Variants in ENOX1 observed in about 807,000 individuals in gnomAD.
ENOX1 encodes the protein ecto-NOX disulfide-thiol exchanger 1.
In ENOX1, 42 loss-of-function variants were observed where a neutral mutation model predicts 82.5. The observed-to-expected ratio is 0.51, with a 90% confidence interval of 0.40 to 0.66. The LOEUF is 0.66. Among genes scored for constraint, ENOX1 ranks in the 30% least tolerant of loss-of-function variants. The pLI is 0.00. For synonymous variants in ENOX1, 271 were observed against 282.2 expected, an observed-to-expected ratio of 0.96 and a Z score of 0.40; for missense variants, 608 against 811.6, an observed-to-expected ratio of 0.75 and a Z score of 3.05.
chr13:43,494,208 C>T (rs1566373882), intron 2 of ENOX1, among the ~76,000 whole-genome samples: 1 of 151,982 alleles, frequency 6.6e-6, no homozygotes, highest in East Asian at 1.9e-4. Context: ...ACACTGACAC[C>T]CAATCAACCA....
chr13:43,730,524 C>T (rs2089279809), intron 1 of ENOX1, among the ~76,000 whole-genome samples: 1 of 152,180 alleles, frequency 6.6e-6, no homozygotes, highest in South Asian at 2.1e-4. Context: ...AATAAGTCTC[C>T]TACCTGGTCT....
intron 12 of ENOX1, among the ~76,000 whole-genome samples, chr13:43,274,600 T>G (rs536090779): frequency 2.6e-4 from 39 of 152,356 alleles, no homozygotes; most frequent in African/African-American, 9.1e-4. Context: ...AGCTAGAACT[T>G]AATCAGAAGA....
rs181050442 is a variant in ENOX1 at position 43,694,126 on chromosome 13, C to G, written c.-284-26582G>C. Among the ~76,000 whole-genome samples, 144 of 151,626 alleles carry G rather than the reference C, an allele frequency of 9.5e-4. 2 individuals carry two copies. The highest frequency in any genetic ancestry group is 1.8e-4 in the Non-Finnish European group (12 of 67,944). On this transcript the variant is annotated intron_variant, in intron 1 of 16. Coordinates refer to ENST00000690772, the MANE Select transcript of ENOX1 (RefSeq NM_001347969.2). ...AATTGAGAAATAGAGCTGTTAATGT[C>G]AAGAAACATTTGAAAAATGCACCAA...
chr13:43,571,252 C>G (rs796731313), intron 2 of ENOX1, among the ~76,000 whole-genome samples: 59 of 152,248 alleles, frequency 3.9e-4, no homozygotes, highest in African/African-American at 1.4e-3. Flanking sequence ...AGATGTAAGT[C>G]ACATTCTCCA....
intron 2 of ENOX1, among the ~76,000 whole-genome samples, chr13:43,596,823 A>G (rs1297048881): frequency 6.6e-6 from 1 of 152,236 alleles, no homozygotes; most frequent in Non-Finnish European, 1.5e-5. Context: ...CATTCACACA[A>G]CCATGTATTA....
intron 5 of ENOX1, among the ~76,000 whole-genome samples, chr13:43,411,632 A>G (rs541918182): frequency 7.9e-5 from 12 of 152,380 alleles, no homozygotes; most frequent in Middle Eastern, 3.4e-3. Flanking sequence ...GCAAATTGGA[A>G]AGCAAATATT....
intron 5 of ENOX1, among the ~76,000 whole-genome samples, chr13:43,370,220 A>G (rs1306458204): frequency 6.6e-6 from 1 of 152,096 alleles, no homozygotes; most frequent in African/African-American, 2.4e-5. Flanking sequence ...ACAAAAAATT[A>G]GCTGGGAGTG....
chr13:43,709,784 T>C (rs942049983), intron 1 of ENOX1, among the ~76,000 whole-genome samples: 33 of 152,270 alleles, frequency 2.2e-4, no homozygotes, highest in Middle Eastern at 3.4e-3. Context: ...CAAATCTTCT[T>C]GAAAATATTA....
chr13:43,663,668 T>C (rs1049176747), intron 2 of ENOX1, among the ~76,000 whole-genome samples: 4 of 152,104 alleles, frequency 2.6e-5, no homozygotes, highest in Non-Finnish European at 5.9e-5. Context: ...CAAAGGGTAC[T>C]ACATGAATGA....
At chr13:43,696,072 C>T (rs1267902789) in intron 1 of ENOX1, among the ~76,000 whole-genome samples, 1 of 152,174 alleles carries the variant, frequency 6.6e-6, no homozygotes, top group East Asian at 1.9e-4. Flanking sequence ...GCTTCTTTCA[C>T]TCAGCATAAT....
At chr13:43,645,422 G>A (rs2083850773) in intron 2 of ENOX1, among the ~76,000 whole-genome samples, 1 of 152,144 alleles carries the variant, frequency 6.6e-6, no homozygotes, top group South Asian at 2.1e-4. Flanking sequence ...GCCTACCAAA[G>A]TGCTGGGATT....
chr13:43,325,688 T>C (rs1222131838), intron 10 of ENOX1, among the ~76,000 whole-genome samples: 1 of 152,112 alleles, frequency 6.6e-6, no homozygotes, highest in African/African-American at 2.4e-5. Flanking sequence ...TGAAAAACAT[T>C]CTTTCATTAA....
At chr13:43,576,864 C>T (rs1051210426) in intron 2 of ENOX1, among the ~76,000 whole-genome samples, 1 of 152,180 alleles carries the variant, frequency 6.6e-6, no homozygotes, top group Non-Finnish European at 1.5e-5. Flanking sequence ...ATGTTCTGCA[C>T]CCAGCATGCT....
At chr13:43,379,811 C>T (rs750458451) in intron 5 of ENOX1, among the ~76,000 whole-genome samples, 8 of 151,394 alleles carry the variant, frequency 5.3e-5, no homozygotes, top group Non-Finnish European at 1.0e-4. Flanking sequence ...CTAAGAAACT[C>T]GAGAATAGAA....
chr13:43,628,547 C>A (rs1701301322), intron 2 of ENOX1, among the ~76,000 whole-genome samples: 1 of 152,176 alleles, frequency 6.6e-6, no homozygotes. Flanking sequence ...TTAAGCATTT[C>A]TACCATAGCT....
At position 43,765,830 on chromosome 13, in the gene ENOX1, T is replaced by C. The variant is rs556435775; in HGVS notation, c.-285+20822A>G. Among the ~76,000 whole-genome samples, 30 of 152,326 alleles carry C rather than the reference T, an allele frequency of 2.0e-4. 1 individual carries two copies. The South Asian group carries it at 3.7e-3, about 19-fold the overall frequency. The stretch of plus-strand genomic sequence containing the variant: ...CAATGATGCTTTTCACATCGTTAGG[T>C]AATGATTATAATAAAGATAGTAATG... On this transcript the variant is annotated intron_variant, in intron 1 of 16. Transcript: ENST00000690772.
chr13:43,263,825 T>C (rs1593597022), intron 14 of ENOX1, among the ~76,000 whole-genome samples: 2 of 152,302 alleles, frequency 1.3e-5, no homozygotes, highest in Middle Eastern at 6.8e-3. Flanking sequence ...ACTGGCTGTG[T>C]GTGGAGTGGA....
chr13:43,650,005 T>C (rs1284770023), intron 2 of ENOX1, among the ~76,000 whole-genome samples: 1 of 152,208 alleles, frequency 6.6e-6, no homozygotes, highest in African/African-American at 2.4e-5. Flanking sequence ...CCACATGCCT[T>C]CATCACTCTG....
At position 43,488,261 on chromosome 13, in the gene ENOX1, C is replaced by A. The variant is rs184536884; in HGVS notation, c.-218-4109G>T. 2.0e-3 allele frequency among the ~76,000 whole-genome samples: 306 copies of A among 152,294 alleles called. 1 individual carries two copies. The highest frequency in any genetic ancestry group is 3.6e-3 in the Non-Finnish European group (246 of 68,020). ...AGGACTCCTCCCTCATGAATGTGAT[C>A]AAGGCCCTTATAAAAGAGTCTTCAC... On this transcript the variant is annotated intron_variant, in intron 2 of 16. Transcript: ENST00000690772.
Sources: gnomAD v4.1 joint callset for allele counts (sites outside exome capture counted in the v4.1 genomes callset) on GRCh38, gnomAD v4.1.1 for gene constraint, MANE v1.5 for transcripts, NCBI Gene and HGNC (gene_info 2026-07-23, HGNC 2026-07-21) for gene names.